Variants in UCK1 observed in about 807,000 individuals in gnomAD.
UCK1 encodes the protein uridine-cytidine kinase 1, also known as cytidine monophosphokinase 1.
In UCK1, 20 loss-of-function variants were observed where a neutral mutation model predicts 34.0. The ratio of observed to expected loss-of-function variants is 0.59; its 90% CI spans 0.41 to 0.86. The LOEUF is 0.86. Ranked by LOEUF, UCK1 falls within the 40% of genes least tolerant of loss-of-function variation. The probability of loss-of-function intolerance (pLI) is 0.00; values close to 1 mark genes in which losing one functional copy is unlikely to be tolerated. For missense variants in UCK1, 343 were observed against 383.6 expected (o/e 0.89, Z 0.88); for synonymous variants, 168 against 155.9 (o/e 1.08, Z -0.58).
intron 5 of UCK1, among the ~76,000 whole-genome samples, chr9:131,527,397 C>T (rs1588533298): frequency 6.6e-6 from 1 of 152,212 alleles, no homozygotes; most frequent in African/African-American, 2.4e-5. Context: ...TAGCAGGTGA[C>T]AGCACTTCCT....
chr9:131,526,588 G>A (rs1397522615), intron 5 of UCK1: 1 of 1,218,900 alleles, frequency 8.2e-7, no homozygotes, highest in Non-Finnish European at 1.1e-6. Context: ...GGGGGTTGGG[G>A]GGTGGCTTTA....
chr9:131,525,849 G>A, intron 6 of UCK1, 80 bp downstream of exon 6: 4 of 1,492,228 alleles, frequency 2.7e-6, no homozygotes, highest in Non-Finnish European at 3.7e-6. Context: ...GGAGTGCTCA[G>A]TAACTGCACA....
chr9:131,531,096 C>T lies in UCK1; in HGVS notation c.79G>A (p.Gly27Arg). Reference sequence around the variant, plus strand: ...CCGCTGGCAGTGCCGCCGCTCACCCCTATCAGGAAGGGCCGCTGGTGCGGA... The same window carrying T: ...CCGCTGGCAGTGCCGCCGCTCACCCTTATCAGGAAGGGCCGCTGGTGCGGA... ...DRPHQRPFLI[G>R]VSGGTASGKS... Residue 27 changes from glycine to arginine, a missense_variant, in exon 1 of 7, where the codon GGG (glycine) becomes AGG (arginine). Physicochemically the swap from Gly to Arg is moderately radical, Grantham distance 125. Coordinates refer to ENST00000372215, the MANE Select transcript of UCK1 (RefSeq NM_031432.5). 6.9e-7 allele frequency: 1 copy of T among 1,448,884 alleles called. No homozygotes were observed. 89.8% of individuals were successfully genotyped at this position (1,448,884 alleles called of 1,614,324 possible).
In UCK1 at chr9:131,526,841, C is replaced by T. The variant is rs144156645; in HGVS notation, c.604-864G>A. 5.9e-5 allele frequency among the ~76,000 whole-genome samples: 9 copies of T among 152,348 alleles called. No individual in the cohort carries two copies. In the East Asian group the frequency reaches 1.7e-3, roughly 29 times the overall value. ...GAAAGCACGAGCGCAAGGGCGAGGG[C>T]TGCTTTCTATTCTAGTCTGATAGTC... On this transcript the variant is annotated intron_variant, in intron 5 of 6. Transcript: ENST00000372215.
chr9:131,530,499 A>G lies in UCK1; in HGVS notation c.255T>C (p.Asn85=). Reference sequence around the variant, plus strand: ...CTCGCGATTTACCTGGATGGTCAAAATTGTACTGTCCTTTCAAGGCCTTGG... The same window carrying G: ...CTCGCGATTTACCTGGATGGTCAAAGTTGTACTGTCCTTTCAAGGCCTTGG... ...QKAKALKGQY[N]FDHPDAFDND... The change falls in exon 2 of 7, where the codon AAT becomes AAC. Residue 85 remains asparagine, a synonymous_variant. Coordinates refer to ENST00000372215, the MANE Select transcript of UCK1 (RefSeq NM_031432.5). 6.2e-7 allele frequency: 1 copy of G among 1,614,204 alleles called. No homozygotes were observed. The highest frequency in any genetic ancestry group is 8.5e-7 in the Non-Finnish European group (1 of 1,180,014).
Position 131,531,260 on chromosome 9 carries a change from A to G in UCK1, c.-86T>C, listed in dbSNP as rs4740261. 1 allele frequency: 1,194,933 copies of G among 1,195,364 alleles called. 597,253 individuals are homozygous for G. The highest frequency in any genetic ancestry group is 1 in the Middle Eastern group (3,222 of 3,222). The allele number at this position is 1,195,364 out of a possible 1,614,324, so 74.0% of individuals were successfully genotyped here. A position where few individuals can be genotyped will look rare whatever the true frequency, so the allele number is the denominator to read the frequency against. On this transcript the variant is annotated 5_prime_UTR_variant, in exon 1 of 7. Coordinates refer to ENST00000372215, the MANE Select transcript of UCK1 (RefSeq NM_031432.5). ...CCCGCCCAGCGCCGAGGTCGGAGGCAACCGGAGCGATCACTTCCGGGAGGC... is the reference window on the plus strand; with the variant it reads ...CCCGCCCAGCGCCGAGGTCGGAGGCGACCGGAGCGATCACTTCCGGGAGGC...
At chr9:131,529,682 G>C (rs1031182093) in intron 2 of UCK1, 98 bp from the exon 3 acceptor site, 5 of 1,077,472 alleles carry the variant, frequency 4.6e-6, no homozygotes, top group South Asian at 3.9e-5. Flanking sequence ...CTGGGTGCTG[G>C]GGACACCGAG....
rs1384756030 is a variant in UCK1, at chr9:131,530,470, T to C, written c.268+16A>G. On this transcript the variant is annotated intron_variant, in intron 2 of 6. Coordinates refer to ENST00000372215, the MANE Select transcript of UCK1 (RefSeq NM_031432.5). ...ATGGGGTCTGCCCTCCCCACATCGTTGGGCTCGCGATTTACCTGGATGGTC... is the reference window on the plus strand; with the variant it reads ...ATGGGGTCTGCCCTCCCCACATCGTCGGGCTCGCGATTTACCTGGATGGTC... 3.7e-6 allele frequency: 6 copies of C among 1,613,186 alleles called. No individual in the cohort carries two copies. In the African/African-American group the frequency reaches 8.0e-5, roughly 22 times the overall value.
chr9:131,530,713 T>C, intron 1 of UCK1, 68 bp from the exon 2 acceptor site: 3 of 1,613,730 alleles, frequency 1.9e-6, no homozygotes, highest in Non-Finnish European at 2.5e-6. Context: ...GGCCGGCTTC[T>C]GGAGACACTG....
chr9:131,530,612 C>T lies in UCK1; in HGVS notation c.142G>A (p.Gly48Arg). 1 of 1,614,236 alleles carries T rather than the reference C, an allele frequency of 6.2e-7. No homozygotes were observed. Among genetic ancestry groups the T allele is most frequent in the Non-Finnish European group, 8.5e-7 (1 of 1,180,040 alleles). ...TVCEKIMELL[G>R]QNEVEQRQRK... ...TGCCGCTGTTCCACCTCGTTCTGTC[C>T]CAGCAACTCCATGATCTTCTCACAC... The change falls in exon 2 of 7, where the codon GGA (glycine) becomes AGA (arginine). Residue 48 changes from glycine to arginine, a missense_variant. Coordinates refer to ENST00000372215, the MANE Select transcript of UCK1 (RefSeq NM_031432.5).
intron 5 of UCK1, among the ~76,000 whole-genome samples, chr9:131,527,664 C>T (rs1279550553): frequency 2.6e-5 from 4 of 151,800 alleles, no homozygotes; most frequent in Non-Finnish European, 4.4e-5. Flanking sequence ...ACCACTAGAT[C>T]CCAGGAGATG....
rs2131972616 is a variant in UCK1 at position 131,525,039 on chromosome 9, C to G, written c.*1G>C. ...GACCTGCCCTGAGGCTCGGCAGCCC[C>G]TCAGTGGGGTCTGCTGCTGGACTCC... On this transcript the variant is annotated 3_prime_UTR_variant, in exon 7 of 7. Transcript: ENST00000372215. The G allele has an allele frequency of 6.2e-7, 1 of 1,608,892 alleles. No individual in the cohort carries two copies. The highest frequency in any genetic ancestry group is 2.2e-5 in the East Asian group (1 of 44,750).
rs769396843 is a variant in UCK1, at chr9:131,528,965, G to A, written c.582C>T (p.Ala194=). The A allele has an allele frequency of 1.2e-6, 2 of 1,614,150 alleles. No homozygotes were observed. Among genetic ancestry groups the A allele is most frequent in the African/African-American group, 1.3e-5 (1 of 75,062 alleles). The change falls in exon 5 of 7, where the codon GCC becomes GCT. Residue 194 remains alanine (A), a synonymous_variant. Coordinates refer to ENST00000372215, the MANE Select transcript of UCK1 (RefSeq NM_031432.5). ...GTACCGGCAGGCAGAACTCCTCGAAGGCCGGCTTCACGAAGGTGGTGTACT... is the reference window on the plus strand; with the variant it reads ...GTACCGGCAGGCAGAACTCCTCGAAAGCCGGCTTCACGAAGGTGGTGTACT... The part of the protein sequence containing the change: ...LTQYTTFVKP[A]FEEFCLPTKK...
At chr9:131,526,683 A>G (rs1950617261) in intron 5 of UCK1, among the ~76,000 whole-genome samples, 1 of 152,124 alleles carries the variant, frequency 6.6e-6, no homozygotes, top group Non-Finnish European at 1.5e-5. Flanking sequence ...CGAAGGACGG[A>G]ACTTGGAACG....
intron 1 of UCK1, 171 bp from the exon 2 acceptor site, chr9:131,530,816 G>C (rs1950812021): frequency 1.6e-6 from 2 of 1,236,080 alleles, no homozygotes; most frequent in East Asian, 2.5e-5. Context: ...GGCCCAACGG[G>C]GTTAGCACGG....
rs920611355 is a variant in UCK1, at chr9:131,526,378, G to A, written c.604-401C>T. The A allele has an allele frequency of 3.2e-6, 4 of 1,252,270 alleles. No homozygotes were observed. The African/African-American group carries it at 6.1e-5, about 19-fold the overall frequency. The allele number at this position is 1,252,270 out of a possible 1,614,324, so 77.6% of individuals were successfully genotyped here. On this transcript the variant is annotated intron_variant, in intron 5 of 6. Transcript: ENST00000372215. ...ATCATGAAGCTTCTGCAAATACCCT[G>A]GCACAGCAACAGGACAGCCGCCGCC...
intron 5 of UCK1, chr9:131,526,534 T>A: frequency 7.8e-7 from 1 of 1,289,104 alleles, no homozygotes; most frequent in Non-Finnish European, 1.0e-6. Flanking sequence ...TGGAGATATA[T>A]CAGGAAATGC....
At chr9:131,525,898 G>T in intron 6 of UCK1, 31 bp downstream of exon 6, 1 of 1,608,618 alleles carries the variant, frequency 6.2e-7, no homozygotes, top group Admixed American at 1.7e-5. Flanking sequence ...TGGGAGGGGC[G>T]GGGGGACAGC....
At chr9:131,530,365 G>A (rs762551253) in intron 2 of UCK1, 121 bp downstream of exon 2, 42 of 1,203,350 alleles carry the variant, frequency 3.5e-5, no homozygotes, top group Non-Finnish European at 4.8e-5. Flanking sequence ...AGGCTGCGTG[G>A]CGAGTTGGGG....
Sources: allele counts gnomAD v4.1 joint callset (sites outside exome capture counted in the v4.1 genomes callset), GRCh38; gene constraint gnomAD v4.1.1; transcripts MANE v1.5; gene names NCBI Gene and HGNC (gene_info 2026-07-23, HGNC 2026-07-21).